Variants in DHRSX observed in about 807,000 individuals in gnomAD.
DHRSX encodes the protein dehydrogenase/reductase X-linked, also known as polyprenol dehydrogenase.
Under a neutral mutation model 34.0 loss-of-function variants are expected in DHRSX, and 31 were observed. That is an observed-to-expected ratio of 0.91 (90% CI 0.69 to 1.23). The LOEUF is 1.23. Ranked by LOEUF, DHRSX falls within the 50% of genes most tolerant of loss-of-function variation. DHRSX has a pLI of 0.00. For synonymous variants in DHRSX, 201 were observed against 183.8 expected (o/e 1.09, Z -0.76); for missense variants, 414 against 428.1 (o/e 0.97, Z 0.29).
At chrX:2,291,185 G>A (rs185402385) in intron 4 of DHRSX, among the ~76,000 whole-genome samples, 18 of 152,222 alleles carry the variant, frequency 1.2e-4, no homozygotes, top group Admixed American at 2.0e-4. Context: ...ATGTGGTGAT[G>A]GTTTTGTAAG....
intron 2 of DHRSX, among the ~76,000 whole-genome samples, chrX:2,418,482 T>C (rs976003780): frequency 1.3e-5 from 2 of 152,066 alleles, no homozygotes; most frequent in African/African-American, 4.8e-5. Context: ...CACAAAGAAA[T>C]GGGGTGTTTT....
intron 2 of DHRSX, among the ~76,000 whole-genome samples, chrX:2,419,271 C>T (rs752914697): frequency 2.6e-5 from 4 of 152,282 alleles, no homozygotes; most frequent in Admixed American, 2.0e-4. Context: ...TGTGAGGACA[C>T]AGGAGAAAGT....
intron 3 of DHRSX, among the ~76,000 whole-genome samples, chrX:2,324,731 T>TAAGG (rs201615137): frequency 0.031 from 4,725 of 151,554 alleles, 109 homozygotes; most frequent in South Asian, 0.067. Context: ...AGGCAGACAG[T>TAAGG]AAGGGTATGG....
chrX:2,269,581 G>C (rs922915249), intron 4 of DHRSX, among the ~76,000 whole-genome samples: 1 of 152,102 alleles, frequency 6.6e-6, no homozygotes, highest in Non-Finnish European at 1.5e-5. Flanking sequence ...TTGTCGTCCA[G>C]GCTGGAGTGC....
At chrX:2,395,347 T>C (rs1274893973) in intron 3 of DHRSX, among the ~76,000 whole-genome samples, 2 of 151,664 alleles carry the variant, frequency 1.3e-5, no homozygotes, top group African/African-American at 4.8e-5. Context: ...AGCCAGGGGG[T>C]GGAGGGGCCG....
chrX:2,439,111 C>T (rs2044032564), intron 1 of DHRSX, among the ~76,000 whole-genome samples: 1 of 151,036 alleles, frequency 6.6e-6, no homozygotes, highest in East Asian at 1.9e-4. Flanking sequence ...TGCCATTGCA[C>T]TCCAGCCTGG....
chrX:2,313,603 G>A lies in DHRSX; in HGVS notation c.287-22000C>T, dbSNP rs191272154. Among the ~76,000 whole-genome samples the A allele has an allele frequency of 7.7e-3, 1,172 of 152,146 alleles. 12 individuals carry two copies. The highest frequency in any genetic ancestry group is 0.027 in the African/African-American group (1,106 of 41,516). On this transcript the variant is annotated intron_variant, in intron 3 of 6. Coordinates refer to ENST00000334651, the MANE Select transcript of DHRSX (RefSeq NM_145177.3). ...AGGATGGTCTCGATCTCATGACCTCGTGATCTGCCCACCTCGGCCTCCCAA... is the reference window on the plus strand; with the variant it reads ...AGGATGGTCTCGATCTCATGACCTCATGATCTGCCCACCTCGGCCTCCCAA...
intron 1 of DHRSX, among the ~76,000 whole-genome samples, chrX:2,448,565 GT>G (rs1444967224): frequency 1.3e-5 from 2 of 150,144 alleles, no homozygotes; most frequent in South Asian, 2.1e-4. Flanking sequence ...TAGCTTGATT[GT>G]TAATGTGTTT....
At chrX:2,381,596 T>A (rs2043203222) in intron 3 of DHRSX, among the ~76,000 whole-genome samples, 1 of 151,690 alleles carries the variant, frequency 6.6e-6, no homozygotes, top group East Asian at 1.9e-4. Flanking sequence ...CACTCCAGCC[T>A]GGGCAACAAG....
chrX:2,481,696 T>C (rs975240967), intron 1 of DHRSX, among the ~76,000 whole-genome samples: 4 of 151,034 alleles, frequency 2.6e-5, no homozygotes, highest in Non-Finnish European at 5.9e-5. Flanking sequence ...CACTGCAGCA[T>C]GGACCAGAAG....
intron 3 of DHRSX, among the ~76,000 whole-genome samples, chrX:2,322,665 C>T (rs908564620): frequency 8.7e-5 from 10 of 115,142 alleles, no homozygotes; most frequent in Admixed American, 5.5e-4. Context: ...TACAGGCGTG[C>T]GCCACCACGC....
chrX:2,373,163 G>A (rs1451561684), intron 3 of DHRSX, among the ~76,000 whole-genome samples: 1 of 152,174 alleles, frequency 6.6e-6, no homozygotes, highest in Non-Finnish European at 1.5e-5. Flanking sequence ...CAGATCTCGT[G>A]AGAACACACT....
intron 3 of DHRSX, among the ~76,000 whole-genome samples, chrX:2,372,256 C>G (rs1458807141): frequency 6.6e-6 from 1 of 152,082 alleles, no homozygotes; most frequent in Non-Finnish European, 1.5e-5. Flanking sequence ...TTGGGAAATC[C>G]ATGCTTCTAG....
intron 1 of DHRSX, among the ~76,000 whole-genome samples, chrX:2,484,667 A>C (rs2044835160): frequency 6.6e-6 from 1 of 152,102 alleles, no homozygotes; most frequent in African/African-American, 2.4e-5. Context: ...TCATTTTATA[A>C]AACTCTCAGG....
intron 4 of DHRSX, among the ~76,000 whole-genome samples, chrX:2,275,285 G>A (rs2041611314): frequency 6.7e-6 from 1 of 149,586 alleles, no homozygotes; most frequent in Non-Finnish European, 1.5e-5. Context: ...ATGACCTGAG[G>A]TCAGGAGTTT....
In DHRSX at chrX:2,470,764, C is replaced by A. The variant is rs142525901; in HGVS notation, c.109+30053G>T. 2.9e-3 allele frequency among the ~76,000 whole-genome samples: 440 copies of A among 150,286 alleles called. 8 individuals carry two copies. The highest frequency in any genetic ancestry group is 9.4e-3 in the African/African-American group (382 of 40,676). ...TCAGTTAGATAAAACAAATGAATTC[C>A]AAGTTCTATCACACCACACAGTGAT... On this transcript the variant is annotated intron_variant, in intron 1 of 6. Coordinates refer to ENST00000334651, the MANE Select transcript of DHRSX (RefSeq NM_145177.3).
At chrX:2,327,888 G>A (rs1602951396) in intron 3 of DHRSX, among the ~76,000 whole-genome samples, 1 of 151,940 alleles carries the variant, frequency 6.6e-6, no homozygotes, top group Admixed American at 6.6e-5. Context: ...AGACCATCCT[G>A]GCTAACACGG....
At chrX:2,318,366 T>C (rs2042266021) in intron 3 of DHRSX, among the ~76,000 whole-genome samples, 2 of 150,592 alleles carry the variant, frequency 1.3e-5, no homozygotes, top group South Asian at 4.2e-4. Flanking sequence ...AAAAAAAAGA[T>C]ACCCTTCCAG....
At chrX:2,443,061 C>G (rs987383460) in intron 1 of DHRSX, among the ~76,000 whole-genome samples, 3 of 152,106 alleles carry the variant, frequency 2.0e-5, no homozygotes, top group Admixed American at 6.5e-5. Context: ...GAGACAGGGT[C>G]TGGCTCTGTC....
Sources: allele counts gnomAD v4.1 joint callset (sites outside exome capture counted in the v4.1 genomes callset), GRCh38; gene constraint gnomAD v4.1.1; transcripts MANE v1.5; gene names NCBI Gene and HGNC (gene_info 2026-07-23, HGNC 2026-07-21).